FLG: variants seen among roughly 807,000 people sequenced by gnomAD.
FLG encodes filaggrin.
Under a neutral mutation model 3.8 loss-of-function variants are expected in FLG, and 6 were observed. The ratio of observed to expected loss-of-function variants is 1.60; its 90% CI spans 0.87 to 3.15. FLG has a LOEUF of 3.15. Ranked by LOEUF, FLG falls within the 30% of genes most tolerant of loss-of-function variation. The probability of loss-of-function intolerance (pLI) is 0.00; values close to 1 mark genes in which losing one functional copy is unlikely to be tolerated. For synonymous variants in FLG, 2,551 were observed against 1,931.6 expected (o/e 1.32, Z -8.41); for missense variants, 7,595 against 5,050.9 (o/e 1.50, Z -15.27).
intron 2 of FLG, chr1:152,315,102 T>C (rs1469415695): frequency 2.4e-6 from 1 of 418,936 alleles, no homozygotes; most frequent in African/African-American, 2.0e-5. Context: ...TTACATTAAT[T>C]TTTAAATATT....
At chr1:152,318,032 T>G (rs1413228014) in intron 1 of FLG, among the ~76,000 whole-genome samples, 2 of 152,002 alleles carry the variant, frequency 1.3e-5, no homozygotes, top group Non-Finnish European at 2.9e-5. Context: ...CTTCACTCTG[T>G]TTCCTTCTCT....
In FLG at chr1:152,304,129, G is replaced by C; in HGVS notation, c.10757C>G (p.Ala3586Gly). The part of the protein sequence containing the change: ...RHPTSHHEDR[A>G]GHGHSAESSR... ...GCTCTCTGCAGAGTGCCCGTGACCG[G>C]CTCTGTCTTCGTGATGGGACGTGGG... The change falls in exon 3 of 3, where the codon GCC becomes GGC. Residue 3586 changes from alanine to glycine, a missense_variant. Transcript: ENST00000368799. 1.3e-6 allele frequency: 2 copies of C among 1,587,054 alleles called. No homozygotes were observed. Among genetic ancestry groups the C allele is most frequent in the Non-Finnish European group, 1.7e-6 (2 of 1,166,854 alleles).
chr1:152,314,344 C>T lies in FLG; in HGVS notation c.542G>A (p.Ser181Asn), dbSNP rs763551148. ...TTCAGTCTTGTTTTTCTCTTTTTTA[C>T]TTGAGTTATGATGGTTTTTTCCATA... is the stretch of plus-strand genomic sequence containing the variant. ...EEYGKNHHNS[S>N]KKEKNKTENT... Residue 181 changes from serine to asparagine, a missense_variant, in exon 3 of 3, where the codon AGT becomes AAT. Ser to Asn is a conservative substitution (Grantham distance 46). Transcript: ENST00000368799. The T allele has an allele frequency of 4.3e-6, 7 of 1,612,606 alleles. No homozygotes were observed. In the South Asian group the frequency reaches 7.7e-5, roughly 18 times the overall value.
chr1:152,310,321 G>C lies in FLG; in HGVS notation c.4565C>G (p.Thr1522Ser). The change falls in exon 3 of 3, where the codon ACC becomes AGC. Residue 1522 changes from threonine to serine, a missense_variant. By Grantham distance (58) the Thr-to-Ser change is moderately conservative (BLOSUM62 1). Coordinates refer to ENST00000368799, the MANE Select transcript of FLG (RefSeq NM_002016.2). ...SGHSGYHHSH[T>S]TPQGRSDASH... Reference sequence around the variant, plus strand: ...GGCATCAGACCTTCCCTGGGGTGTGGTGTGGCTGTGATGGTACCCTGAGTG... The same window carrying C: ...GGCATCAGACCTTCCCTGGGGTGTGCTGTGGCTGTGATGGTACCCTGAGTG... 6.2e-7 allele frequency: 1 copy of C among 1,613,862 alleles called. No individual in the cohort carries two copies. The highest frequency in any genetic ancestry group is 8.5e-7 in the Non-Finnish European group (1 of 1,179,960).
chr1:152,305,143 C>G lies in FLG; in HGVS notation c.9743G>C (p.Arg3248Thr), dbSNP rs138132031. ...GGACCTGGGGTGTCTGGAGCCGTGC[C>G]TTGACTGCTCCTGAACAGATCCACG... ...NHRGSVQEQS[R>T]HGSRHPRSHH... is the part of the protein sequence containing the mutation. Residue 3248 changes from arginine (R) to threonine (T), a missense_variant, in exon 3 of 3, where the codon AGG (arginine) becomes ACG (threonine). Arg to Thr is a moderately conservative substitution (Grantham distance 71). Transcript: ENST00000368799. The G allele has an allele frequency of 2.1e-4, 344 of 1,613,810 alleles. 1 individual carries two copies. The highest frequency in any genetic ancestry group is 6.5e-4 in the South Asian group (59 of 91,022).
chr1:152,310,399 C>T lies in FLG; in HGVS notation c.4487G>A (p.Ser1496Asn). The change falls in exon 3 of 3, where the codon AGC (serine) becomes AAC (asparagine). Residue 1496 changes from serine to asparagine, a missense_variant. Ser to Asn is a conservative substitution (Grantham distance 46, BLOSUM62 1). Transcript: ENST00000368799. ...QDTIRGHPGSSRGGRQGSYHE... is the reference protein window; with the variant it reads ...QDTIRGHPGSNRGGRQGSYHE... Reference sequence around the variant, plus strand: ...GTAGGATCCCTGCCTTCCTCCTCTGCTTGACCCCGGGTGTCCACGAATGGT... The same window carrying T: ...GTAGGATCCCTGCCTTCCTCCTCTGTTTGACCCCGGGTGTCCACGAATGGT... The T allele has an allele frequency of 6.2e-7, 1 of 1,613,616 alleles. No individual in the cohort carries two copies. The highest frequency in any genetic ancestry group is 1.1e-5 in the South Asian group (1 of 91,042).
In FLG at chr1:152,309,929, A is replaced by G. The variant is rs1390545329; in HGVS notation, c.4957T>C (p.Ser1653Pro). Residue 1653 changes from serine to proline, a missense_variant, in exon 3 of 3, where the codon TCA (serine) becomes CCA (proline). By Grantham distance (74) the Ser-to-Pro change is moderately conservative (BLOSUM62 -1). Coordinates refer to ENST00000368799, the MANE Select transcript of FLG (RefSeq NM_002016.2). ...HGHSAESSRQ[S>P]GTRHAETSSG... ...GAAGTCTCTGCATGACGAGTGCCTG[A>G]TTGTCTGGAGCTCTCTGCAGAGTGC... is the stretch of plus-strand genomic sequence containing the variant. 1 of 1,613,924 alleles carries G rather than the reference A, an allele frequency of 6.2e-7. No individual in the cohort carries two copies. The highest frequency in any genetic ancestry group is 1.7e-5 in the Admixed American group (1 of 60,014).
rs755591298 is a variant in FLG, at chr1:152,311,399, C to T, written c.3487G>A (p.Asp1163Asn). The part of the protein sequence containing the change: ...SRHSASQEGQ[D>N]TIRAHPGSRR... ...GACCCCGGGTGTGCACGAATGGTGT[C>T]CTGACCCTCTTGGGACGCTGAGTGC... Residue 1163 changes from aspartate (D) to asparagine (N), a missense_variant, in exon 3 of 3, where the codon GAC becomes AAC. Asp to Asn is a conservative substitution (Grantham distance 23). Coordinates refer to ENST00000368799, the MANE Select transcript of FLG (RefSeq NM_002016.2). 1.7e-5 allele frequency: 28 copies of T among 1,613,858 alleles called. No individual in the cohort carries two copies. The South Asian group carries it at 3.0e-4, about 17-fold the overall frequency.
chr1:152,311,008 T>C lies in FLG; in HGVS notation c.3878A>G (p.Asn1293Ser). The C allele has an allele frequency of 6.2e-7, 1 of 1,613,698 alleles. No individual in the cohort carries two copies. Residue 1293 changes from asparagine (N) to serine (S), a missense_variant, in exon 3 of 3, where the codon AAC becomes AGC. Coordinates refer to ENST00000368799, the MANE Select transcript of FLG (RefSeq NM_002016.2). The part of the protein sequence containing the change: ...SERLSGSASR[N>S]HHGSSREQSR... Reference sequence around the variant, plus strand: ...CTGCTCCCGAGAAGATCCATGATGGTTTCTGGAAGCAGACCCAGACAACCT... The same window carrying C: ...CTGCTCCCGAGAAGATCCATGATGGCTTCTGGAAGCAGACCCAGACAACCT...
At chr1:152,321,264 A>G (rs770609124) in intron 1 of FLG, among the ~76,000 whole-genome samples, 65 of 150,944 alleles carry the variant, frequency 4.3e-4, no homozygotes, top group Non-Finnish European at 1.2e-4. Flanking sequence ...TTACCTAAGC[A>G]TATATTTCAA....
In FLG at chr1:152,308,455, G is replaced by T. The variant is rs769538852; in HGVS notation, c.6431C>A (p.Pro2144Gln). 2 of 1,613,732 alleles carry T rather than the reference G, an allele frequency of 1.2e-6. No homozygotes were observed. The highest frequency in any genetic ancestry group is 1.7e-6 in the Non-Finnish European group (2 of 1,179,838). ...GGACCCCTGTCTTCCTCCTCTGCTT[G>T]GCCCCGGGTGTCCACGAATGGTGTC... Reference protein sequence around the residue: ...GQDTIRGHPGPSRGGRQGSHQ... With the variant: ...GQDTIRGHPGQSRGGRQGSHQ... Residue 2144 changes from proline to glutamine, a missense_variant, in exon 3 of 3, where the codon CCA becomes CAA. By Grantham distance (76) the Pro-to-Gln change is moderately conservative (BLOSUM62 -1). Coordinates refer to ENST00000368799, the MANE Select transcript of FLG (RefSeq NM_002016.2).
rs12746218 is a variant in FLG, at chr1:152,304,306, G to A, written c.10580C>T (p.Ala3527Val). The A allele has an allele frequency of 1.2e-5, 19 of 1,586,014 alleles. No individual in the cohort carries two copies. The highest frequency in any genetic ancestry group is 1.7e-5 in the Admixed American group (1 of 57,890). ...CTGGTTCCTGCTTGTCCTGGGCCCC[G>A]CTGATTGTCCCTGGCCGGACTGTGA... ...RHSQSGQGQS[A>V]GPRTSRNQGS... The change falls in exon 3 of 3, where the codon GCG (alanine) becomes GTG (valine). Residue 3527 changes from alanine to valine, a missense_variant. Physicochemically the swap from Ala to Val is moderately conservative, Grantham distance 64 (BLOSUM62 0). Coordinates refer to ENST00000368799, the MANE Select transcript of FLG (RefSeq NM_002016.2).
intron 1 of FLG, among the ~76,000 whole-genome samples, chr1:152,318,843 C>G (rs1652868805): frequency 6.6e-6 from 1 of 151,696 alleles, no homozygotes. Context: ...ATTAATTCAA[C>G]AATTAGATAT....
At chr1:152,315,945 C>G (rs780507711) in intron 1 of FLG, among the ~76,000 whole-genome samples, 2 of 152,162 alleles carry the variant, frequency 1.3e-5, no homozygotes, top group Non-Finnish European at 2.9e-5. Context: ...AATGAAAGTT[C>G]ATTCAATTTT....
chr1:152,313,748 G>C lies in FLG; in HGVS notation c.1138C>G (p.Pro380Ala), dbSNP rs201180432. 6.2e-7 allele frequency: 1 copy of C among 1,613,980 alleles called. No individual in the cohort carries two copies. The highest frequency in any genetic ancestry group is 8.5e-7 in the Non-Finnish European group (1 of 1,179,962). ...ASSHEQARSS[P>A]GERHGSGHQQ... ...TGGCCGGATCCATGTCTTTCTCCTG[G>C]ACTTGATCTTGCCTGTTCATGGGAT... is the stretch of plus-strand genomic sequence containing the variant. The change falls in exon 3 of 3, where the codon CCA becomes GCA. Residue 380 changes from proline (P) to alanine (A), a missense_variant. Pro to Ala is a conservative substitution (Grantham distance 27). Transcript: ENST00000368799.
chr1:152,303,202 G>C lies in FLG; in HGVS notation c.11684C>G (p.Ser3895Ter). The change falls in exon 3 of 3, where the codon TCA becomes TGA. Residue 3895 changes from serine (S) to a stop codon, truncating the protein, a stop_gained. Coordinates refer to ENST00000368799, the MANE Select transcript of FLG (RefSeq NM_002016.2). LOFTEE classifies it low-confidence loss of function (END_TRUNC). ...RNHHGSSREQSRDGSRHPGSS... is the reference protein window; with the variant it reads ...RNHHGSSREQ ...TCCGGGGTGTCTGGAGCCATCTCTT[G>C]ACTGCTCCCGAGAAGATCCATGATG... 6.2e-7 allele frequency: 1 copy of C among 1,614,126 alleles called. No homozygotes were observed. The highest frequency in any genetic ancestry group is 8.5e-7 in the Non-Finnish European group (1 of 1,180,020).
chr1:152,322,693 A>G (rs1014178483), intron 1 of FLG, among the ~76,000 whole-genome samples: 3 of 151,142 alleles, frequency 2.0e-5, no homozygotes, highest in Non-Finnish European at 3.0e-5. Flanking sequence ...AACATGAAAG[A>G]GCTATACTCA....
In FLG at chr1:152,310,623, C is replaced by T. The variant is rs745444808; in HGVS notation, c.4263G>A (p.Gln1421=). Residue 1421 remains glutamine, a synonymous_variant, in exon 3 of 3, where the codon CAG becomes CAA. Transcript: ENST00000368799. ...GGCCACGTGCGGACTCTTTGTGGCT[C>T]TGCTGATGGGGCCCAGCTTGTCCGT... is the stretch of plus-strand genomic sequence containing the variant. ...SAHGQAGPHQ[Q]SHKESARGQS... 5 of 1,614,018 alleles carry T rather than the reference C, an allele frequency of 3.1e-6. No homozygotes were observed. In the South Asian group the frequency reaches 3.3e-5, roughly 11 times the overall value.
In FLG at chr1:152,303,541, C is replaced by T; in HGVS notation, c.11345G>A (p.Gly3782Glu). 1 of 1,614,076 alleles carries T rather than the reference C, an allele frequency of 6.2e-7. No homozygotes were observed. Among genetic ancestry groups the T allele is most frequent in the Non-Finnish European group, 8.5e-7 (1 of 1,180,026 alleles). The stretch of plus-strand genomic sequence containing the variant: ...GTGGCTGTGATGGGACCCTGAGTGT[C>T]CAGACCTATCTACCGATTGCTCGTG... ...SYHEQSVDRS[G>E]HSGSHHSHTT... Residue 3782 changes from glycine to glutamate, a missense_variant, in exon 3 of 3, where the codon GGA (glycine) becomes GAA (glutamate). Physicochemically the swap from Gly to Glu is moderately conservative, Grantham distance 98 (BLOSUM62 -2). Coordinates refer to ENST00000368799, the MANE Select transcript of FLG (RefSeq NM_002016.2).
Sources: gnomAD v4.1 joint callset for allele counts (sites outside exome capture counted in the v4.1 genomes callset) on GRCh38, gnomAD v4.1.1 for gene constraint, MANE v1.5 for transcripts, NCBI Gene and HGNC (gene_info 2026-07-23, HGNC 2026-07-21) for gene names.